The following APAF1 variants were observed in gnomAD, a reference collection of about 807,000 sequenced individuals.
The protein encoded by APAF1 is apoptotic peptidase activating factor 1.
APAF1 carries 91 observed loss-of-function variants against 152.4 expected under a neutral mutation model. The ratio of observed to expected loss-of-function variants is 0.60; its 90% CI spans 0.50 to 0.71. APAF1 has a LOEUF of 0.71. Among genes scored for constraint, APAF1 ranks in the 30% least tolerant of loss-of-function variants. The pLI is 0.00. For missense variants in APAF1, 1,283 were observed against 1,472.0 expected, an observed-to-expected ratio of 0.87 and a Z score of 2.10; for synonymous variants, 484 against 494.1, an observed-to-expected ratio of 0.98 and a Z score of 0.27.
intron 17 of APAF1, among the ~76,000 whole-genome samples, chr12:98,700,134 G>C (rs543472335): frequency 3.0e-4 from 46 of 152,252 alleles, no homozygotes; most frequent in Non-Finnish European, 5.6e-4. Flanking sequence ...TCTAATAGTA[G>C]CTGGTATTTG....
intron 19 of APAF1, among the ~76,000 whole-genome samples, chr12:98,706,921 C>T (rs1410810398): frequency 2.6e-5 from 4 of 152,170 alleles, no homozygotes; most frequent in African/African-American, 4.8e-5. Flanking sequence ...TGAATTCCTA[C>T]ATCCAATTAC....
At chr12:98,702,479 A>T (rs1001915543) in intron 17 of APAF1, among the ~76,000 whole-genome samples, 5 of 152,124 alleles carry the variant, frequency 3.3e-5, no homozygotes, top group Non-Finnish European at 5.9e-5. Flanking sequence ...AAATCATCTT[A>T]TTTGGCAAAA....
At chr12:98,696,630 C>A (rs909312717) in intron 16 of APAF1, among the ~76,000 whole-genome samples, 1 of 152,130 alleles carries the variant, frequency 6.6e-6, no homozygotes, top group Non-Finnish European at 1.5e-5. Flanking sequence ...TCTGTACTCG[C>A]CTGTGCTTGA....
rs1333382283 is a variant in APAF1 at position 98,703,988 on chromosome 12, AT to A, written c.2595+493del. ...AACTCATATAAATTACTTTTTTATGATTTTGTACTTACCTGTTAAATTTTAT... is the reference window on the plus strand; with the variant it reads ...AACTCATATAAATTACTTTTTTATGATTTGTACTTACCTGTTAAATTTTAT... On this transcript the variant is annotated intron_variant, in intron 18 of 26. Transcript: ENST00000551964. Among the ~76,000 whole-genome samples, 60 of 152,274 alleles carry A rather than the reference AT, an allele frequency of 3.9e-4. 1 individual carries two copies. The highest frequency in any genetic ancestry group is 3.9e-3 in the Admixed American group (60 of 15,290).
chr12:98,685,543 G>T (rs1395348045), intron 15 of APAF1, among the ~76,000 whole-genome samples: 1 of 151,994 alleles, frequency 6.6e-6, no homozygotes, highest in East Asian at 1.9e-4. Context: ...CATTATGTTG[G>T]CCAGGATGGT....
At position 98,677,333 on chromosome 12, in the gene APAF1, A is replaced by G; in HGVS notation, c.1794-92A>G. 3.0e-6 allele frequency: 4 copies of G among 1,329,746 alleles called. 1 individual carries two copies. In the South Asian group the frequency reaches 4.9e-5, roughly 16 times the overall value. The allele number at this position is 1,329,746 out of a possible 1,614,324, so 82.4% of individuals were successfully genotyped here. A position where few individuals can be genotyped will look rare whatever the true frequency, so the allele number is the denominator to read the frequency against. On this transcript the variant is annotated intron_variant, in intron 12 of 26. Coordinates refer to ENST00000551964, the MANE Select transcript of APAF1 (RefSeq NM_181861.2). ...ATTTTGTATTTTGGGGAACATAACC[A>G]TGTTAAAAGACAGTTTATTTTAGTA... is the stretch of plus-strand genomic sequence containing the variant.
At chr12:98,665,236 T>C (rs2097670637) in intron 7 of APAF1, among the ~76,000 whole-genome samples, 1 of 133,156 alleles carries the variant, frequency 7.5e-6, no homozygotes, top group South Asian at 2.3e-4. Context: ...AAGGTCTCAT[T>C]ATATTGCTTA....
intron 16 of APAF1, among the ~76,000 whole-genome samples, chr12:98,698,858 A>C (rs1192707133): frequency 6.6e-6 from 1 of 152,192 alleles, no homozygotes; most frequent in Admixed American, 6.5e-5. Context: ...TTTGTATCTC[A>C]TTCCTCAGGA....
At chr12:98,651,654 T>G (rs992893820) in intron 4 of APAF1, among the ~76,000 whole-genome samples, 1 of 149,232 alleles carries the variant, frequency 6.7e-6, no homozygotes, top group African/African-American at 2.5e-5. Context: ...TAGTAATTAT[T>G]TATTTATTTT....
At position 98,682,042 on chromosome 12, in the gene APAF1, T is replaced by C. The variant is rs183082658; in HGVS notation, c.2047-1101T>C. 2.7e-3 allele frequency among the ~76,000 whole-genome samples: 413 copies of C among 151,126 alleles called. 1 individual carries two copies. Among genetic ancestry groups the C allele is most frequent in the Non-Finnish European group, 4.6e-3 (315 of 67,898 alleles). ...CTTACATAGTAACTAGAATGATGAT[T>C]AATTTTTTTGTTTTTTTTTTTTTTT... On this transcript the variant is annotated intron_variant, in intron 14 of 26. Transcript: ENST00000551964.
Position 98,648,692 on chromosome 12 carries a change from G to A in APAF1, c.205G>A (p.Val69Ile), listed in dbSNP as rs745962333. ...ACTTAAAAAAGATAATGATTCCTAC[G>A]TATCATTCTACAATGCTCTACTACA... ...MILKKDNDSY[V>I]SFYNALLHEG... Residue 69 changes from valine to isoleucine, a missense_variant, in exon 3 of 27, where the codon GTA becomes ATA. Physicochemically the swap from Val to Ile is conservative, Grantham distance 29. Transcript: ENST00000551964. 1.1e-5 allele frequency: 18 copies of A among 1,613,708 alleles called. No homozygotes were observed. Among genetic ancestry groups the A allele is most frequent in the South Asian group, 8.8e-5 (8 of 91,076 alleles).
chr12:98,655,444 C>T (rs1236582369), intron 4 of APAF1, among the ~76,000 whole-genome samples: 346 of 151,116 alleles, frequency 2.3e-3, no homozygotes, highest in Admixed American at 5.6e-3. Flanking sequence ...ACGGGGCGGC[C>T]GGCCGGGCAG....
In APAF1 at chr12:98,699,586, G is replaced by A. The variant is rs761076388; in HGVS notation, c.2466+17G>A. On this transcript the variant is annotated intron_variant, in intron 17 of 26. Coordinates refer to ENST00000551964, the MANE Select transcript of APAF1 (RefSeq NM_181861.2). ...AAAATCTTTGTAAGTACTTTAAAAA[G>A]CCAACTTCAGTCTGATTTAAAGAAA... 2.5e-6 allele frequency: 4 copies of A among 1,613,482 alleles called. No homozygotes were observed. The South Asian group carries it at 4.4e-5, about 18-fold the overall frequency.
intron 4 of APAF1, among the ~76,000 whole-genome samples, chr12:98,656,495 C>T (rs1480402965): frequency 6.6e-6 from 1 of 152,180 alleles, no homozygotes; most frequent in Non-Finnish European, 1.5e-5. Flanking sequence ...CTGTCTCTAC[C>T]TCAGTTACTG....
rs1200798814 is a variant in APAF1, at chr12:98,715,272, ATATATATAT to A, written c.2959-154_2959-146del. 1.6e-4 allele frequency among the ~76,000 whole-genome samples: 18 copies of A among 109,628 alleles called. No homozygotes were observed. The East Asian group carries it at 3.5e-3, about 21-fold the overall frequency. 71.9% of individuals were successfully genotyped at this position (109,628 alleles called of 152,430 possible). A position where few individuals can be genotyped will look rare whatever the true frequency, so the allele number is the denominator to read the frequency against. ...TATATATATATATATATATATATAT[ATATATATAT>A]GACATTCATTTGTTTTTAATTAGGC... On this transcript the variant is annotated intron_variant, in intron 21 of 26. Coordinates refer to ENST00000551964, the MANE Select transcript of APAF1 (RefSeq NM_181861.2).
At chr12:98,719,774 A>G (rs1424617927) in intron 22 of APAF1, among the ~76,000 whole-genome samples, 5 of 151,886 alleles carry the variant, frequency 3.3e-5, no homozygotes, top group Admixed American at 3.3e-4. Context: ...CATTCTTTTG[A>G]TCTTGCCATT....
rs987714994 is a variant in APAF1, at chr12:98,665,461, A to G, written c.956-92A>G. On this transcript the variant is annotated intron_variant, in intron 7 of 26. Transcript: ENST00000551964. ...AGGCTTTTGATAACATGCAGCAGAA[A>G]TTGTTTCTTAGTAATGTAAGTAAGT... 21 of 879,922 alleles carry G rather than the reference A, an allele frequency of 2.4e-5. No individual in the cohort carries two copies. In the African/African-American group the frequency reaches 3.0e-4, roughly 12 times the overall value. The allele number at this position is 879,922 out of a possible 1,614,324, so 54.5% of individuals were successfully genotyped here.
chr12:98,692,238 A>G (rs2097705044), intron 16 of APAF1, among the ~76,000 whole-genome samples: 1 of 151,978 alleles, frequency 6.6e-6, no homozygotes, highest in Admixed American at 6.6e-5. Flanking sequence ...GCCCGCTGCC[A>G]TGCCCGGCTA....
intron 4 of APAF1, among the ~76,000 whole-genome samples, chr12:98,653,109 T>G (rs2097651021): frequency 6.6e-6 from 1 of 152,158 alleles, no homozygotes; most frequent in Non-Finnish European, 1.5e-5. Flanking sequence ...TATTTAGTTC[T>G]TTATTCTCTG....
Sources: allele counts gnomAD v4.1 joint callset (sites outside exome capture counted in the v4.1 genomes callset), GRCh38; gene constraint gnomAD v4.1.1; transcripts MANE v1.5; gene names NCBI Gene and HGNC (gene_info 2026-07-23, HGNC 2026-07-21).